The following CSNK2A2 variants were observed in gnomAD, a reference collection of about 807,000 sequenced individuals.
The protein encoded by CSNK2A2 is casein kinase II subunit alpha'.
A neutral mutation model predicts 54.0 loss-of-function variants in CSNK2A2; 8 were observed. The observed-to-expected ratio is 0.15, with a 90% CI of 0.09 to 0.27. The LOEUF is 0.27. CSNK2A2 is among the 10% of genes least tolerant of loss of function. The probability of loss-of-function intolerance (pLI) is 1.00; values close to 1 mark genes in which losing one functional copy is unlikely to be tolerated. For synonymous variants in CSNK2A2, 141 were observed against 153.9 expected (o/e 0.92, Z 0.62); for missense variants, 242 against 439.4 (o/e 0.55, Z 4.02).
At position 58,186,599 on chromosome 16, in the gene CSNK2A2, G is replaced by A. The variant is rs192039239; in HGVS notation, c.318+156C>T. 3.9e-5 allele frequency among the ~76,000 whole-genome samples: 6 copies of A among 152,252 alleles called. No individual in the cohort carries two copies. The East Asian group carries it at 1.2e-3, about 29-fold the overall frequency. On this transcript the variant is annotated intron_variant, in intron 3 of 11. Transcript: ENST00000262506. Reference sequence around the variant, plus strand: ...GTGGTGGTAGCTGTTTTATCACTGGGTCACCATGATTTTTTTCTGGTTTTC... The same window carrying A: ...GTGGTGGTAGCTGTTTTATCACTGGATCACCATGATTTTTTTCTGGTTTTC...
intron 2 of CSNK2A2, among the ~76,000 whole-genome samples, chr16:58,188,396 T>C (rs143927255): frequency 6.6e-6 from 1 of 152,344 alleles, no homozygotes; most frequent in Non-Finnish European, 1.5e-5. Context: ...AAAAGCACTG[T>C]ACAATCTGAT....
chr16:58,174,589 G>T, intron 4 of CSNK2A2, 79 bp from the exon 5 acceptor site: 1 of 1,136,276 alleles, frequency 8.8e-7, no homozygotes, highest in Non-Finnish European at 1.3e-6. Flanking sequence ...CATTCTCTAA[G>T]CTTATTTGAT....
intron 2 of CSNK2A2, among the ~76,000 whole-genome samples, chr16:58,189,346 AAT>A (rs1962270106): frequency 6.6e-6 from 1 of 152,216 alleles, no homozygotes; most frequent in Non-Finnish European, 1.5e-5. Context: ...TTTGTCATCC[AAT>A]ACTGGAAAGC....
chr16:58,192,517 G>A (rs1349416559), intron 2 of CSNK2A2: 1 of 151,658 alleles, frequency 6.6e-6, no homozygotes, highest in Non-Finnish European at 1.5e-5. Flanking sequence ...TTTCATTGAA[G>A]CATTAAACAT....
chr16:58,162,287 C>T (rs1056819544), intron 11 of CSNK2A2: 3 of 152,206 alleles, frequency 2.0e-5, no homozygotes, highest in Non-Finnish European at 2.9e-5. Context: ...AAAGAGCTCA[C>T]ATCTTGCTTT....
At position 58,197,083 on chromosome 16, in the gene CSNK2A2, T is replaced by C; in HGVS notation, c.105-239A>G. 1 of 489,996 alleles carries C rather than the reference T, an allele frequency of 2.0e-6. No homozygotes were observed. The highest frequency in any genetic ancestry group is 3.7e-6 in the Non-Finnish European group (1 of 268,278). The allele number at this position is 489,996 out of a possible 1,614,324, so 30.4% of individuals were successfully genotyped here. On this transcript the variant is annotated intron_variant, in intron 1 of 11. Coordinates refer to ENST00000262506, the MANE Select transcript of CSNK2A2 (RefSeq NM_001896.4). The surrounding 1 kb of genome is among the most constrained non-coding windows in gnomAD (Gnocchi z 4.0). ...AAGATGGGGCAGGAAGGCAACGCTC[T>C]GAGCCAATCCAGAGGGGCGAGCAAA...
chr16:58,176,187 T>C (rs1350400518), intron 4 of CSNK2A2, among the ~76,000 whole-genome samples: 2 of 152,152 alleles, frequency 1.3e-5, no homozygotes, highest in African/African-American at 4.8e-5. Flanking sequence ...AGAGAAAAGA[T>C]CTAATTTTCT....
intron 2 of CSNK2A2, among the ~76,000 whole-genome samples, chr16:58,192,138 G>T (rs1365788505): frequency 6.6e-6 from 1 of 152,148 alleles, no homozygotes; most frequent in South Asian, 2.1e-4. Flanking sequence ...TTATTTCATA[G>T]ATGAGAAAAC....
chr16:58,178,389 A>G (rs1007719401), intron 4 of CSNK2A2, among the ~76,000 whole-genome samples: 4 of 151,768 alleles, frequency 2.6e-5, no homozygotes, highest in African/African-American at 9.7e-5. Flanking sequence ...GGTTCACGTG[A>G]TTCTCCTACC....
At chr16:58,168,748 C>T (rs921690733) in intron 5 of CSNK2A2, 55 bp from the exon 6 acceptor site, 31 of 1,336,056 alleles carry the variant, frequency 2.3e-5, no homozygotes, top group South Asian at 9.5e-5. Context: ...CATCCCCCAA[C>T]GCAAGCATAG....
intron 3 of CSNK2A2, among the ~76,000 whole-genome samples, chr16:58,186,160 C>T (rs1309329760): frequency 2.6e-5 from 4 of 152,082 alleles, no homozygotes; most frequent in Non-Finnish European, 5.9e-5. Context: ...AAGTTACTCC[C>T]TAGGGAGAGA....
intron 4 of CSNK2A2, among the ~76,000 whole-genome samples, chr16:58,183,927 C>G (rs906296767): frequency 6.6e-6 from 1 of 151,836 alleles, no homozygotes; most frequent in Non-Finnish European, 1.5e-5. Flanking sequence ...CCCTTCCTCT[C>G]GGCAAAGTAA....
chr16:58,169,446 C>T (rs1961672436), intron 5 of CSNK2A2, among the ~76,000 whole-genome samples: 1 of 152,008 alleles, frequency 6.6e-6, no homozygotes, highest in South Asian at 2.1e-4. Flanking sequence ...TGGAGAACTG[C>T]TTGAACCTGG....
In CSNK2A2 at chr16:58,197,340, G is replaced by T. The variant is rs1030998777; in HGVS notation, c.104+293C>A. Among the ~76,000 whole-genome samples the T allele has an allele frequency of 2.0e-5, 3 of 152,364 alleles. No individual in the cohort carries two copies. Among genetic ancestry groups the T allele is most frequent in the African/African-American group, 7.2e-5 (3 of 41,590 alleles). ...AGTGGAAACCCAGAAGTGTGAGGAA[G>T]GGCAGCTCCCTCACTTCCACCCGGC... is the stretch of plus-strand genomic sequence containing the variant. On this transcript the variant is annotated intron_variant, in intron 1 of 11. Transcript: ENST00000262506. The surrounding 1 kb of genome is among the most constrained non-coding windows in gnomAD (Gnocchi z 4.0).
chr16:58,195,543 T>C lies in CSNK2A2; in HGVS notation c.216+1190A>G, dbSNP rs140134183. On this transcript the variant is annotated intron_variant, in intron 2 of 11. Coordinates refer to ENST00000262506, the MANE Select transcript of CSNK2A2 (RefSeq NM_001896.4). ...CAAAAGGGCCACAATGGAAATCACA[T>C]GTATGCAAAGTGCTTACATCACTCT... 2.6e-5 allele frequency among the ~76,000 whole-genome samples: 4 copies of C among 152,346 alleles called. No individual in the cohort carries two copies. The East Asian group carries it at 7.7e-4, about 29-fold the overall frequency.
chr16:58,191,337 G>C (rs1962316472), intron 2 of CSNK2A2, among the ~76,000 whole-genome samples: 1 of 152,106 alleles, frequency 6.6e-6, no homozygotes, highest in Non-Finnish European at 1.5e-5. Flanking sequence ...ACTTAAGAAT[G>C]GTTAAGATGG....
chr16:58,168,580 A>C (rs1597111052), intron 6 of CSNK2A2, 30 bp downstream of exon 6: 1 of 1,596,214 alleles, frequency 6.3e-7, no homozygotes, highest in East Asian at 2.2e-5. Flanking sequence ...CCTTTTAATC[A>C]AGCTTGTTGC....
At chr16:58,190,138 G>A (rs74989935) in intron 2 of CSNK2A2, among the ~76,000 whole-genome samples, 10,708 of 152,118 alleles carry the variant, frequency 0.07, 474 homozygotes, top group South Asian at 0.21. Flanking sequence ...AGAAGTCTCC[G>A]TCTGGGGTTC....
intron 4 of CSNK2A2, among the ~76,000 whole-genome samples, chr16:58,183,836 T>C (rs2731752): frequency 0.23 from 35,685 of 152,120 alleles, 4,737 homozygotes; most frequent in African/African-American, 0.33. Context: ...GTACGTCACG[T>C]GCGCAAACAC....
Sources: allele counts gnomAD v4.1 joint callset (sites outside exome capture counted in the v4.1 genomes callset), GRCh38; gene constraint gnomAD v4.1.1; non-coding constraint Gnocchi (gnomAD v3.1); transcripts MANE v1.5; gene names NCBI Gene and HGNC (gene_info 2026-07-23, HGNC 2026-07-21).